Variants in TPRG1 observed in about 807,000 individuals in gnomAD.
TPRG1 encodes the protein tumor protein p63-regulated gene 1 protein.
TPRG1 carries 29 observed loss-of-function variants against 29.3 expected under a neutral mutation model. The observed-to-expected ratio is 0.99, with a 90% confidence interval of 0.74 to 1.35. The LOEUF is 1.35. Ranked by LOEUF, TPRG1 falls within the 40% of genes most tolerant of loss-of-function variation. The pLI is 0.00. For missense variants in TPRG1, 327 were observed against 335.0 expected, an observed-to-expected ratio of 0.98 and a Z score of 0.19; for synonymous variants, 130 against 116.8, an observed-to-expected ratio of 1.11 and a Z score of -0.73.
At chr3:189,047,301 C>T (rs541317327) in intron 4 of TPRG1, among the ~76,000 whole-genome samples, 4 of 152,134 alleles carry the variant, frequency 2.6e-5, no homozygotes, top group Non-Finnish European at 5.9e-5. Context: ...AAAGTTATTT[C>T]TACAGTATAC....
intron 4 of TPRG1, among the ~76,000 whole-genome samples, chr3:189,285,247 C>G (rs1024654485): frequency 1.1e-4 from 17 of 152,160 alleles, no homozygotes; most frequent in African/African-American, 4.1e-4. Flanking sequence ...AGTTAACACA[C>G]TGTTGGAAAA....
intron 3 of TPRG1, among the ~76,000 whole-genome samples, chr3:189,238,468 C>T (rs746282860): frequency 5.3e-5 from 8 of 152,116 alleles, no homozygotes; most frequent in Non-Finnish European, 1.0e-4. Context: ...CTGGGTATTC[C>T]CCTAATGGAT....
chr3:189,041,708 G>A (rs710517), intron 4 of TPRG1, among the ~76,000 whole-genome samples: 131,945 of 152,096 alleles, frequency 0.87, 58,537 homozygotes, highest in Non-Finnish European at 0.95. Flanking sequence ...GAGAGAATGT[G>A]ATTTCTTTTT....
At position 189,037,303 on chromosome 3, in the gene TPRG1, T is replaced by C. The variant is rs529178769; in HGVS notation, c.-463+13357T>C. ...AAAAGAAAAAAACATGATGAACATG[T>C]ATGATTTACCTCAGTAACATAAGGA... is the stretch of plus-strand genomic sequence containing the variant. On this transcript the variant is annotated intron_variant, in intron 4 of 10. Transcript: ENST00000433971. Among the ~76,000 whole-genome samples the C allele has an allele frequency of 6.6e-5, 10 of 151,970 alleles. No individual in the cohort carries two copies. The South Asian group carries it at 2.1e-3, about 31-fold the overall frequency.
intron 4 of TPRG1, among the ~76,000 whole-genome samples, chr3:189,272,779 CTCTT>C (rs1406364384): frequency 6.7e-6 from 1 of 148,974 alleles, no homozygotes; most frequent in African/African-American, 2.5e-5. Context: ...TTCCTTCCCT[CTCTT>C]TCTTTTCTAC....
intron 1 of TPRG1, among the ~76,000 whole-genome samples, chr3:189,195,391 C>G (rs1732369148): frequency 6.6e-6 from 1 of 152,144 alleles, no homozygotes; most frequent in Non-Finnish European, 1.5e-5. Context: ...GGCTTCACCT[C>G]TGCTCGACTC....
intron 5 of TPRG1, among the ~76,000 whole-genome samples, chr3:189,318,099 C>T (rs1030534141): frequency 4.0e-4 from 61 of 152,216 alleles, no homozygotes; most frequent in African/African-American, 1.3e-3. Flanking sequence ...GGGTATTGGA[C>T]GGGCGTGCCC....
chr3:189,232,706 G>A (rs1180082015), intron 3 of TPRG1, among the ~76,000 whole-genome samples: 1 of 152,168 alleles, frequency 6.6e-6, no homozygotes, highest in Non-Finnish European at 1.5e-5. Flanking sequence ...CTGGGAACAG[G>A]GAAGGTTGGT....
At chr3:189,006,380 T>C (rs1438608409) in intron 3 of TPRG1, among the ~76,000 whole-genome samples, 2 of 152,158 alleles carry the variant, frequency 1.3e-5, no homozygotes, top group African/African-American at 4.8e-5. Flanking sequence ...TGGAAAGTGA[T>C]AAATGATGCA....
intron 4 of TPRG1, among the ~76,000 whole-genome samples, chr3:189,281,572 G>A (rs1020972319): frequency 6.6e-6 from 1 of 152,162 alleles, no homozygotes; most frequent in Non-Finnish European, 1.5e-5. Context: ...GTGTGTATAA[G>A]AGATATGGAG....
intron 4 of TPRG1, among the ~76,000 whole-genome samples, chr3:189,075,150 T>C (rs1005728390): frequency 6.6e-6 from 1 of 151,784 alleles, no homozygotes; most frequent in African/African-American, 2.4e-5. Context: ...TTTTATTTTT[T>C]GAGACGAAGT....
chr3:189,276,746 G>C (rs1196840707), intron 4 of TPRG1, among the ~76,000 whole-genome samples: 1 of 152,056 alleles, frequency 6.6e-6, no homozygotes, highest in East Asian at 1.9e-4. Flanking sequence ...ATAATACCTT[G>C]GGATTATTTA....
At chr3:189,015,857 T>C (rs1418046610) in intron 3 of TPRG1, among the ~76,000 whole-genome samples, 1 of 152,076 alleles carries the variant, frequency 6.6e-6, no homozygotes, top group Non-Finnish European at 1.5e-5. Context: ...AACAAATGGA[T>C]GTCTAGGCAG....
At chr3:189,254,385 T>G (rs1411557815) in intron 4 of TPRG1, among the ~76,000 whole-genome samples, 4 of 152,208 alleles carry the variant, frequency 2.6e-5, no homozygotes, top group African/African-American at 9.7e-5. Flanking sequence ...TCTATATATT[T>G]GTTTTGGTAC....
intron 3 of TPRG1, among the ~76,000 whole-genome samples, chr3:189,229,698 A>T (rs114065117): frequency 0.015 from 2,252 of 152,202 alleles, 60 homozygotes; most frequent in African/African-American, 0.051. Flanking sequence ...GACAGAGACC[A>T]CTCTTGAGAG....
At chr3:189,022,605 G>T (rs895370836) in intron 3 of TPRG1, among the ~76,000 whole-genome samples, 3 of 152,050 alleles carry the variant, frequency 2.0e-5, no homozygotes, top group Non-Finnish European at 4.4e-5. Context: ...ATCTCCAGCT[G>T]CGTGCTGGGA....
At chr3:189,101,416 A>T (rs1415906332) in intron 1 of TPRG1, among the ~76,000 whole-genome samples, 2 of 151,600 alleles carry the variant, frequency 1.3e-5, no homozygotes, top group African/African-American at 4.9e-5. Context: ...AAAAAAAAAA[A>T]TTAGGTATTT....
chr3:189,268,067 C>T (rs1714430566), intron 4 of TPRG1, among the ~76,000 whole-genome samples: 1 of 152,144 alleles, frequency 6.6e-6, no homozygotes, highest in Admixed American at 6.5e-5. Flanking sequence ...GGAGGGAAGT[C>T]ACTTGGATGG....
chr3:189,146,471 G>A (rs1725279197), intron 3 of TPRG1, among the ~76,000 whole-genome samples: 1 of 152,158 alleles, frequency 6.6e-6, no homozygotes, highest in African/African-American at 2.4e-5. Context: ...AAAAACAAAT[G>A]TTGTTGGGAG....
Sources: allele counts gnomAD v4.1 joint callset (sites outside exome capture counted in the v4.1 genomes callset), GRCh38; gene constraint gnomAD v4.1.1; transcripts MANE v1.5; gene names NCBI Gene and HGNC (gene_info 2026-07-23, HGNC 2026-07-21).